Variants in ACTR2 observed in about 807,000 individuals in gnomAD.
ACTR2 encodes the protein actin related protein 2.
A neutral mutation model predicts 50.2 loss-of-function variants in ACTR2; 5 were observed. The observed-to-expected ratio is 0.10, with a 90% CI of 0.05 to 0.21. The LOEUF (loss-of-function observed/expected upper bound fraction) is 0.21. Ranked by LOEUF, ACTR2 falls within the 10% of genes least tolerant of loss-of-function variation. The pLI is 1.00. For missense variants in ACTR2, 180 were observed against 480.6 expected, an observed-to-expected ratio of 0.37 and a Z score of 5.85; for synonymous variants, 140 against 162.9, an observed-to-expected ratio of 0.86 and a Z score of 1.07.
At chr2:65,259,826 G>A (rs189164577) in intron 6 of ACTR2, among the ~76,000 whole-genome samples, 27 of 152,282 alleles carry the variant, frequency 1.8e-4, no homozygotes, top group African/African-American at 5.3e-4. Context: ...ATACATGGGC[G>A]TGCTTATTAC....
intron 7 of ACTR2, among the ~76,000 whole-genome samples, chr2:65,263,212 AT>A (rs1054372254): frequency 1.8e-4 from 24 of 135,960 alleles, no homozygotes; most frequent in Admixed American, 2.2e-4. Flanking sequence ...GACATTTTAA[AT>A]TTTTTTTTTT....
At chr2:65,232,210 T>TGGA (rs200259056) in intron 1 of ACTR2, among the ~76,000 whole-genome samples, 129 of 152,330 alleles carry the variant, frequency 8.5e-4, no homozygotes, top group African/African-American at 2.8e-3. Flanking sequence ...CCCCTGGTGT[T>TGGA]ACGTGTCTTG....
At chr2:65,253,976 A>G (rs1446079010) in intron 5 of ACTR2, 112 bp downstream of exon 5, 8 of 772,266 alleles carry the variant, frequency 1.0e-5, no homozygotes, top group African/African-American at 1.8e-5. Context: ...CACTAGAGAA[A>G]TTATCCAATT....
intron 6 of ACTR2, among the ~76,000 whole-genome samples, chr2:65,258,257 A>G (rs1672190240): frequency 6.6e-6 from 1 of 152,140 alleles, no homozygotes; most frequent in Non-Finnish European, 1.5e-5. Flanking sequence ...TCTTTTCTCA[A>G]AGAATTTGAG....
At chr2:65,253,598 TAACTA>T in intron 4 of ACTR2, 125 bp from the exon 5 acceptor site, 1 of 909,738 alleles carries the variant, frequency 1.1e-6, no homozygotes. Context: ...AACTGCAAAA[TAACTA>T]AATAATAAAT....
intron 1 of ACTR2, among the ~76,000 whole-genome samples, chr2:65,239,321 G>A (rs1331139750): frequency 6.6e-6 from 1 of 152,178 alleles, no homozygotes; most frequent in African/African-American, 2.4e-5. Context: ...GGGCTTAGTG[G>A]CGCATGCCTG....
intron 6 of ACTR2, among the ~76,000 whole-genome samples, chr2:65,258,212 T>C (rs1202947605): frequency 6.6e-6 from 1 of 152,160 alleles, no homozygotes; most frequent in Non-Finnish European, 1.5e-5. Context: ...ATAAGCAAAC[T>C]AGGAATGTAA....
intron 7 of ACTR2, 77 bp from the exon 8 acceptor site, chr2:65,264,966 G>T: frequency 6.5e-7 from 1 of 1,536,890 alleles, no homozygotes; most frequent in South Asian, 1.1e-5. Flanking sequence ...CCCCGAGGCT[G>T]ACATAAGTAA....
intron 1 of ACTR2, among the ~76,000 whole-genome samples, chr2:65,230,565 C>T (rs1330240890): frequency 6.6e-6 from 1 of 151,818 alleles, no homozygotes; most frequent in Admixed American, 6.6e-5. Flanking sequence ...GCTTGTGCCA[C>T]CACACCCAGT....
chr2:65,252,363 G>A (rs1477818536), intron 4 of ACTR2, among the ~76,000 whole-genome samples: 4 of 151,984 alleles, frequency 2.6e-5, no homozygotes, highest in South Asian at 4.2e-4. Flanking sequence ...GTTTTAGGCC[G>A]GGTGTGGTGG....
chr2:65,237,426 G>A (rs115156155), intron 1 of ACTR2, among the ~76,000 whole-genome samples: 5 of 151,726 alleles, frequency 3.3e-5, no homozygotes, highest in Admixed American at 6.6e-5. Flanking sequence ...AATTTTTTCC[G>A]GGGGGGAATC....
chr2:65,231,385 G>A (rs1304507219), intron 1 of ACTR2, among the ~76,000 whole-genome samples: 2 of 152,182 alleles, frequency 1.3e-5, no homozygotes, highest in African/African-American at 2.4e-5. Flanking sequence ...TTGTAGACAT[G>A]AATAATCATC....
intron 2 of ACTR2, chr2:65,242,572 A>G (rs951271703): frequency 3.6e-4 from 162 of 452,986 alleles, no homozygotes; most frequent in South Asian, 8.8e-4. Context: ...CCATAGATAG[A>G]AAAAGAGAAT....
chr2:65,263,051 T>G (rs1399468914), intron 7 of ACTR2, among the ~76,000 whole-genome samples: 1 of 151,270 alleles, frequency 6.6e-6, no homozygotes, highest in Non-Finnish European at 1.5e-5. Flanking sequence ...GGGACTTGTT[T>G]GTTTGTTTGA....
At chr2:65,245,003 G>C (rs1288499909) in intron 2 of ACTR2, among the ~76,000 whole-genome samples, 1 of 150,612 alleles carries the variant, frequency 6.6e-6, no homozygotes, top group Non-Finnish European at 1.5e-5. Flanking sequence ...TAATAAGTTA[G>C]TAAGTTATGG....
intron 1 of ACTR2, among the ~76,000 whole-genome samples, chr2:65,232,013 C>A (rs573430922): frequency 8.5e-5 from 13 of 152,334 alleles, no homozygotes; most frequent in African/African-American, 2.6e-4. Flanking sequence ...TTTCTATCTC[C>A]CAGCTTGACC....
intron 6 of ACTR2, among the ~76,000 whole-genome samples, chr2:65,256,269 C>G (rs1344127596): frequency 6.6e-6 from 1 of 152,122 alleles, no homozygotes; most frequent in Non-Finnish European, 1.5e-5. Flanking sequence ...GGCAGCCTTT[C>G]CTGACTTAAT....
chr2:65,268,949 A>G lies in ACTR2; in HGVS notation c.*215A>G, dbSNP rs1165599395. 6 of 497,744 alleles carry G rather than the reference A, an allele frequency of 1.2e-5. No individual in the cohort carries two copies. Among genetic ancestry groups the G allele is most frequent in the Non-Finnish European group, 2.2e-5 (6 of 277,280 alleles). The allele number at this position is 497,744 out of a possible 1,614,324, so 30.8% of individuals were successfully genotyped here. ...ATTCAACTGCTTCCCTACATAGACTAGAGGGCTAAGGATTCTGTCTGCTGC... is the reference window on the plus strand; with the variant it reads ...ATTCAACTGCTTCCCTACATAGACTGGAGGGCTAAGGATTCTGTCTGCTGC... On this transcript the variant is annotated 3_prime_UTR_variant, in exon 9 of 9. Coordinates refer to ENST00000260641, the MANE Select transcript of ACTR2 (RefSeq NM_005722.4).
intron 4 of ACTR2, among the ~76,000 whole-genome samples, chr2:65,252,236 TTTC>T (rs1225733521): frequency 6.6e-6 from 1 of 152,180 alleles, no homozygotes; most frequent in Non-Finnish European, 1.5e-5. Flanking sequence ...TCCTTTTTTT[TTTC>T]TTTTTTGCAA....
Sources: allele counts gnomAD v4.1 joint callset (sites outside exome capture counted in the v4.1 genomes callset), GRCh38; gene constraint gnomAD v4.1.1; transcripts MANE v1.5; gene names NCBI Gene and HGNC (gene_info 2026-07-23, HGNC 2026-07-21).